TNFRSF8: variants seen among roughly 807,000 people sequenced by gnomAD.
The protein encoded by TNFRSF8 is TNF receptor superfamily member 8.
In TNFRSF8, 26 loss-of-function variants were observed where a neutral mutation model predicts 70.8. The ratio of observed to expected loss-of-function variants is 0.37; its 90% CI spans 0.27 to 0.51. TNFRSF8 has a LOEUF of 0.51. Among genes scored for constraint, TNFRSF8 ranks in the 20% least tolerant of loss-of-function variants. TNFRSF8 has a pLI of 0.94. For synonymous variants in TNFRSF8, 356 were observed against 339.2 expected (o/e 1.05, Z -0.54); for missense variants, 720 against 807.9 (o/e 0.89, Z 1.32).
chr1:12,066,304 AT>A (rs202058756), intron 1 of TNFRSF8, among the ~76,000 whole-genome samples: 39 of 148,720 alleles, frequency 2.6e-4, no homozygotes, highest in Non-Finnish European at 4.4e-4. Flanking sequence ...GAAGCTCGTT[AT>A]TTTAAAAAAA....
At position 12,142,158 on chromosome 1, in the gene TNFRSF8, G is replaced by A; in HGVS notation, c.1544-129G>A. 7.8e-7 allele frequency: 1 copy of A among 1,290,232 alleles called. No homozygotes were observed. Among genetic ancestry groups the A allele is most frequent in the Non-Finnish European group, 1.0e-6 (1 of 953,610 alleles). The allele number at this position is 1,290,232 out of a possible 1,614,324, so 79.9% of individuals were successfully genotyped here. A position where few individuals can be genotyped will look rare whatever the true frequency, so the allele number is the denominator to read the frequency against. On this transcript the variant is annotated intron_variant, in intron 14 of 14. Coordinates refer to ENST00000263932, the MANE Select transcript of TNFRSF8 (RefSeq NM_001243.5). The surrounding 1 kb of genome is among the most constrained non-coding windows in gnomAD (Gnocchi z 5.0). ...GGATGCCTGTAAGGTACATCAGAGA[G>A]GCTGTGCCATCAGCCTGAAGCCACC...
Position 12,110,905 on chromosome 1 carries a change from C to T in TNFRSF8, c.676+701C>T, listed in dbSNP as rs1282254688. The stretch of plus-strand genomic sequence containing the variant: ...CGTGAGCCACCGCGCCCAACCTAGT[C>T]CCATTTTATTACTGAATAGCCCTCC... On this transcript the variant is annotated intron_variant, in intron 6 of 14. Transcript: ENST00000263932. The surrounding 1 kb of genome is among the most constrained non-coding windows in gnomAD (Gnocchi z 4.0). Among the ~76,000 whole-genome samples, 1 of 152,138 alleles carries T rather than the reference C, an allele frequency of 6.6e-6. No homozygotes were observed. The highest frequency in any genetic ancestry group is 6.5e-5 in the Admixed American group (1 of 15,280).
intron 4 of TNFRSF8, among the ~76,000 whole-genome samples, chr1:12,106,788 T>C (rs964067920): frequency 6.6e-6 from 1 of 152,080 alleles, no homozygotes; most frequent in Admixed American, 6.5e-5. Flanking sequence ...GATTTGCAAC[T>C]GTGGGGCATG....
intron 1 of TNFRSF8, among the ~76,000 whole-genome samples, chr1:12,066,632 C>T (rs1224468727): frequency 6.6e-6 from 1 of 151,564 alleles, no homozygotes; most frequent in Admixed American, 6.6e-5. Context: ...GGATTACAGG[C>T]GTGAGCCACC....
At chr1:12,094,662 A>G (rs1316231858) in intron 2 of TNFRSF8, among the ~76,000 whole-genome samples, 44 of 126,914 alleles carry the variant, frequency 3.5e-4, no homozygotes, top group African/African-American at 1.2e-3. Flanking sequence ...GTCTCACTCT[A>G]TCGCCCAGGC....
rs1441510720 is a variant in TNFRSF8, at chr1:12,141,719, C to T, written c.1544-568C>T. ...GGGCAAGCTGGACAAGTTGGTCACC[C>T]CGGGTTTTGGCTGCAGGCACACAGA... On this transcript the variant is annotated intron_variant, in intron 14 of 14. Transcript: ENST00000263932. This position sits in a 1 kb window ranked among gnomAD's most constrained non-coding sequence, Gnocchi z 5.4. Among the ~76,000 whole-genome samples the T allele has an allele frequency of 1.3e-5, 2 of 152,182 alleles. No homozygotes were observed. Among genetic ancestry groups the T allele is most frequent in the Admixed American group, 6.5e-5 (1 of 15,282 alleles).
At chr1:12,140,847 C>A (rs1642239091) in intron 14 of TNFRSF8, among the ~76,000 whole-genome samples, 1 of 150,696 alleles carries the variant, frequency 6.6e-6, no homozygotes, top group Admixed American at 6.6e-5. Context: ...CTCTGCCCAT[C>A]CCCCTCTGGG....
At chr1:12,090,056 TACCCATCCATCC>T (rs373094355) in intron 2 of TNFRSF8, among the ~76,000 whole-genome samples, 2,356 of 128,350 alleles carry the variant, frequency 0.018, 55 homozygotes, top group African/African-American at 0.067. Flanking sequence ...CCCATCCATC[TACCCATCCATCC>T]ATCTACCCAC....
rs183097994 is a variant in TNFRSF8 at position 12,126,879 on chromosome 1, G to A, written c.1309+643G>A. Among the ~76,000 whole-genome samples, 505 of 152,346 alleles carry A rather than the reference G, an allele frequency of 3.3e-3. 2 individuals carry two copies. Among genetic ancestry groups the A allele is most frequent in the African/African-American group, 0.011 (444 of 41,584 alleles). The stretch of plus-strand genomic sequence containing the variant: ...CATCGTGGAGTACCTGCCTGCAATC[G>A]GTGGCTGCTGCCTATTGACAGGCTG... On this transcript the variant is annotated intron_variant, in intron 12 of 14. Coordinates refer to ENST00000263932, the MANE Select transcript of TNFRSF8 (RefSeq NM_001243.5).
rs185340008 is a variant in TNFRSF8 at position 12,133,697 on chromosome 1, G to A, written c.1310-1891G>A. Among the ~76,000 whole-genome samples, 1,139 of 144,976 alleles carry A rather than the reference G, an allele frequency of 7.9e-3. 11 individuals are homozygous for A. Among genetic ancestry groups the A allele is most frequent in the Admixed American group, 0.016 (226 of 13,994 alleles). The stretch of plus-strand genomic sequence containing the variant: ...GGAGGTTGCAGTGAGCCGAGATCGC[G>A]CTGCTGCACTTCACCCTGGCGACAG... On this transcript the variant is annotated intron_variant, in intron 12 of 14. Transcript: ENST00000263932.
rs759680535 is a variant in TNFRSF8, at chr1:12,138,379, T to C, written c.1486T>C (p.Ser496Pro). The change falls in exon 14 of 15, where the codon TCC becomes CCC. Residue 496 changes from serine to proline, a missense_variant. Transcript: ENST00000263932. This position sits in a 1 kb window ranked among gnomAD's most constrained non-coding sequence, Gnocchi z 5.7. ...QDASPAGGPS[S>P]PRDLPEPRVS... Reference sequence around the variant, plus strand: ...TGCCAGCCCGGCCGGGGGCCCCTCGTCCCCCAGGGACCTTCCTGAGCCCCG... The same window carrying C: ...TGCCAGCCCGGCCGGGGGCCCCTCGCCCCCCAGGGACCTTCCTGAGCCCCG... 12 of 1,613,294 alleles carry C rather than the reference T, an allele frequency of 7.4e-6. No homozygotes were observed. In the African/African-American group the frequency reaches 1.3e-4, roughly 18 times the overall value.
intron 2 of TNFRSF8, among the ~76,000 whole-genome samples, chr1:12,087,815 C>T (rs1298063073): frequency 6.6e-6 from 1 of 152,216 alleles, no homozygotes; most frequent in Non-Finnish European, 1.5e-5. Context: ...CAGGCTCCCT[C>T]CACTTAAAAG....
intron 1 of TNFRSF8, among the ~76,000 whole-genome samples, chr1:12,079,303 G>A (rs1052024362): frequency 2.6e-4 from 40 of 152,308 alleles, no homozygotes; most frequent in African/African-American, 9.6e-4. Flanking sequence ...GAGGGCCTCC[G>A]GTTGCACAGC....
chr1:12,087,108 TCCA>T (rs1641166467), intron 2 of TNFRSF8, among the ~76,000 whole-genome samples: 2 of 122,222 alleles, frequency 1.6e-5, no homozygotes, highest in African/African-American at 2.7e-5. Context: ...CATCCATCCA[TCCA>T]TCCATCCATC....
At chr1:12,074,939 C>T (rs1188455884) in intron 1 of TNFRSF8, among the ~76,000 whole-genome samples, 1 of 152,118 alleles carries the variant, frequency 6.6e-6, no homozygotes, top group Non-Finnish European at 1.5e-5. Flanking sequence ...CAGGCACATG[C>T]CACCATGCCC....
At chr1:12,124,852 A>AC (rs1641903928) in intron 10 of TNFRSF8, among the ~76,000 whole-genome samples, 1 of 145,736 alleles carries the variant, frequency 6.9e-6, no homozygotes, top group Non-Finnish European at 1.5e-5. Context: ...ACAAAACAAA[A>AC]CAAAACAAAA....
Position 12,112,138 on chromosome 1 carries a change from CT to C in TNFRSF8, c.793+126del, listed in dbSNP as rs1221248205. On this transcript the variant is annotated intron_variant, in intron 7 of 14. Transcript: ENST00000263932. The surrounding 1 kb of genome is among the most constrained non-coding windows in gnomAD (Gnocchi z 5.3). ...ATGGGGGTCGCCTCTTTTCAGAGGGCTTCCATTGGCATATTATTTCCTTCCA... is the reference window on the plus strand; with the variant it reads ...ATGGGGGTCGCCTCTTTTCAGAGGGCTCCATTGGCATATTATTTCCTTCCA... 7.9e-6 allele frequency: 5 copies of C among 634,588 alleles called. No individual in the cohort carries two copies. The highest frequency in any genetic ancestry group is 1.8e-5 in the African/African-American group (1 of 54,340). 39.3% of individuals were successfully genotyped at this position (634,588 alleles called of 1,614,324 possible). A position where few individuals can be genotyped will look rare whatever the true frequency, so the allele number is the denominator to read the frequency against.
At chr1:12,116,057 C>T (rs1641723525) in intron 8 of TNFRSF8, among the ~76,000 whole-genome samples, 1 of 152,156 alleles carries the variant, frequency 6.6e-6, no homozygotes. Context: ...TCTCGGCTCA[C>T]CGCAACCTGC....
intron 1 of TNFRSF8, among the ~76,000 whole-genome samples, chr1:12,079,519 G>A (rs1236012018): frequency 6.6e-6 from 1 of 152,226 alleles, no homozygotes; most frequent in Non-Finnish European, 1.5e-5. Flanking sequence ...GGGTGGGCCT[G>A]GAAATTCACA....
Sources: gnomAD v4.1 joint callset for allele counts (sites outside exome capture counted in the v4.1 genomes callset) on GRCh38, gnomAD v4.1.1 for gene constraint, Gnocchi (gnomAD v3.1) non-coding constraint, MANE v1.5 for transcripts, NCBI Gene and HGNC (gene_info 2026-07-23, HGNC 2026-07-21) for gene names.